LGSN: variants seen among roughly 807,000 people sequenced by gnomAD.
LGSN encodes the protein lengsin, lens protein with glutamine synthetase domain.
A neutral mutation model predicts 19.5 loss-of-function variants in LGSN; 21 were observed. The observed-to-expected ratio is 1.07, with a 90% CI of 0.76 to 1.55. The LOEUF (loss-of-function observed/expected upper bound fraction) is 1.55. Among genes scored for constraint, LGSN ranks in the 40% most tolerant of loss-of-function variants. LGSN has a pLI of 0.00. For missense variants in LGSN, 673 were observed against 608.5 expected (o/e 1.11, Z -1.12); for synonymous variants, 257 against 215.6 (o/e 1.19, Z -1.68).
the LGSN span, among the ~76,000 whole-genome samples, chr6:63,529,240 A>G: frequency 6.7e-6 from 1 of 149,874 alleles, no homozygotes; most frequent in African/African-American, 2.5e-5. Flanking sequence ...CAGAACTTTC[A>G]TATAATTTAG....
chr6:63,413,200 A>G, the LGSN span, among the ~76,000 whole-genome samples: 1 of 152,158 alleles, frequency 6.6e-6, no homozygotes, highest in African/African-American at 2.4e-5. Context: ...GGAGATCTGT[A>G]TAATTAATAA....
the LGSN span, among the ~76,000 whole-genome samples, chr6:63,502,734 C>T: frequency 2.0e-5 from 3 of 152,146 alleles, no homozygotes; most frequent in South Asian, 6.2e-4. Flanking sequence ...CCTATTAAAT[C>T]TCATCTGACT....
At chr6:63,527,731 A>G in the LGSN span, 2 of 152,170 alleles carry the variant, frequency 1.3e-5, no homozygotes, top group Non-Finnish European at 2.9e-5. Context: ...TTTCACATAC[A>G]TTGCATGGTC....
the LGSN span, among the ~76,000 whole-genome samples, chr6:63,444,732 T>C: frequency 6.6e-6 from 1 of 152,202 alleles, no homozygotes; most frequent in African/African-American, 2.4e-5. Context: ...TTTACTGTTA[T>C]CAACTGGTTT....
At chr6:63,353,386 C>T in the LGSN span, among the ~76,000 whole-genome samples, 4 of 152,116 alleles carry the variant, frequency 2.6e-5, no homozygotes, top group Non-Finnish European at 5.9e-5. Context: ...CCATCCCTGG[C>T]AACAGTGCCT....
chr6:63,369,906 G>A, the LGSN span, among the ~76,000 whole-genome samples: 1 of 152,098 alleles, frequency 6.6e-6, no homozygotes, highest in Non-Finnish European at 1.5e-5. Flanking sequence ...GGAGGCTAAG[G>A]CATGAGAATT....
chr6:63,428,337 G>A, the LGSN span, among the ~76,000 whole-genome samples: 1 of 151,914 alleles, frequency 6.6e-6, no homozygotes, highest in Non-Finnish European at 1.5e-5. Context: ...ATGAATACAG[G>A]CATAATTATT....
chr6:63,558,289 G>A, the LGSN span, among the ~76,000 whole-genome samples: 4 of 152,040 alleles, frequency 2.6e-5, no homozygotes, highest in East Asian at 7.7e-4. Context: ...AAGGAGGGAG[G>A]GATGGAGGAG....
the LGSN span, chr6:63,548,736 GC>G: frequency 1.5e-6 from 1 of 674,310 alleles, no homozygotes; most frequent in South Asian, 1.7e-5. Flanking sequence ...AAGTTCTTGA[GC>G]CTTTGCCTTT....
At chr6:63,412,105 G>A in the LGSN span, among the ~76,000 whole-genome samples, 2 of 152,098 alleles carry the variant, frequency 1.3e-5, no homozygotes, top group South Asian at 4.1e-4. Flanking sequence ...AGTGGCTTAC[G>A]CCTGTAATCC....
the LGSN span, among the ~76,000 whole-genome samples, chr6:63,505,499 A>C: frequency 6.8e-6 from 1 of 147,426 alleles, no homozygotes; most frequent in Admixed American, 6.9e-5. Context: ...AATTTCTTGA[A>C]CCCAGGAGGT....
the LGSN span, among the ~76,000 whole-genome samples, chr6:63,557,428 A>G: frequency 6.6e-6 from 1 of 151,888 alleles, no homozygotes; most frequent in Non-Finnish European, 1.5e-5. Flanking sequence ...TATCTGGTGT[A>G]GTGTGCGTGC....
the LGSN span, among the ~76,000 whole-genome samples, chr6:63,565,497 A>G: frequency 6.6e-6 from 1 of 152,204 alleles, no homozygotes; most frequent in Non-Finnish European, 1.5e-5. Flanking sequence ...CAGAGAAAAT[A>G]TTACCTCAAA....
At chr6:63,422,060 A>G in the LGSN span, among the ~76,000 whole-genome samples, 1 of 152,066 alleles carries the variant, frequency 6.6e-6, no homozygotes, top group Admixed American at 6.6e-5. Flanking sequence ...GACCAAAAAA[A>G]TTTTTTGTTG....
At chr6:63,344,793 G>GT in the LGSN span, among the ~76,000 whole-genome samples, 53 of 152,128 alleles carry the variant, frequency 3.5e-4, no homozygotes, top group Non-Finnish European at 6.8e-4. Context: ...AAAACAAAAA[G>GT]TTGTAGTACA....
At chr6:63,505,565 A>AAAAAGAAAGAAAG in the LGSN span, among the ~76,000 whole-genome samples, 1 of 58,672 alleles carries the variant, frequency 1.7e-5, no homozygotes, top group African/African-American at 8.8e-5. Context: ...AAAAAAAAAA[A>AAAAAGAAAGAAAG]AAAGAAAGAA....
the LGSN span, among the ~76,000 whole-genome samples, chr6:63,526,217 C>G: frequency 6.6e-6 from 1 of 151,950 alleles, no homozygotes; most frequent in South Asian, 2.1e-4. Flanking sequence ...CCCAGCTACT[C>G]AGGAGGCTGA....
the LGSN span, among the ~76,000 whole-genome samples, chr6:63,425,504 T>G: frequency 6.6e-6 from 1 of 152,204 alleles, no homozygotes; most frequent in Admixed American, 6.5e-5. Flanking sequence ...TACTACTTAG[T>G]GGGGAAAAAA....
the LGSN span, among the ~76,000 whole-genome samples, chr6:63,346,453 C>A: frequency 6.6e-6 from 1 of 151,804 alleles, no homozygotes; most frequent in Non-Finnish European, 1.5e-5. Context: ...CTGGAGAGGA[C>A]GTGGAAACTC....
Sources: allele counts gnomAD v4.1 joint callset (sites outside exome capture counted in the v4.1 genomes callset), GRCh38; gene constraint gnomAD v4.1.1; transcripts MANE v1.5; gene names NCBI Gene and HGNC (gene_info 2026-07-23, HGNC 2026-07-21).